PTPRU: variants seen among roughly 807,000 people sequenced by gnomAD.
The protein encoded by PTPRU is protein tyrosine phosphatase receptor type U.
In PTPRU, 69 loss-of-function variants were observed where a neutral mutation model predicts 166.3. The ratio of observed to expected loss-of-function variants is 0.41; its 90% CI spans 0.34 to 0.51. The LOEUF (loss-of-function observed/expected upper bound fraction) is 0.51. Ranked by LOEUF, PTPRU falls within the 20% of genes least tolerant of loss-of-function variation. The probability of loss-of-function intolerance (pLI) is 0.09; values close to 1 mark genes in which losing one functional copy is unlikely to be tolerated. For missense variants in PTPRU, 1,657 were observed against 2,013.7 expected, an observed-to-expected ratio of 0.82 and a Z score of 3.39; for synonymous variants, 793 against 814.0, an observed-to-expected ratio of 0.97 and a Z score of 0.44.
chr1:29,272,434 C>G (rs1685598210), intron 7 of PTPRU, among the ~76,000 whole-genome samples: 3 of 152,150 alleles, frequency 2.0e-5, no homozygotes, highest in African/African-American at 7.2e-5. Flanking sequence ...TGCTTGCCTG[C>G]ATTCCAGGGA....
intron 7 of PTPRU, among the ~76,000 whole-genome samples, chr1:29,272,245 GCAGCCCACAGTACC>G (rs2151949769): frequency 6.6e-6 from 1 of 152,354 alleles, no homozygotes; most frequent in East Asian, 1.9e-4. Flanking sequence ...GAATGGGCTT[GCAGCCCACAGTACC>G]CAGGATACAG....
At chr1:29,305,700 G>C (rs1387357744) in intron 18 of PTPRU, 1 of 625,678 alleles carries the variant, frequency 1.6e-6, no homozygotes, top group Non-Finnish European at 3.0e-6. Flanking sequence ...TAGGCCAAGA[G>C]GTGAGGAAGG....
Position 29,279,364 on chromosome 1 carries a change from C to A in PTPRU, c.1564-92C>A. On this transcript the variant is annotated intron_variant, in intron 9 of 29. Coordinates refer to ENST00000373779, the MANE Select transcript of PTPRU (RefSeq NM_133178.4). The surrounding 1 kb of genome is among the most constrained non-coding windows in gnomAD (Gnocchi z 5.2). ...CATAGTCTCCTTTGCTTAGCCTTAT[C>A]TCTCACTTCCCTGGGACATGGTGGG... 7.1e-7 allele frequency: 1 copy of A among 1,405,912 alleles called. No homozygotes were observed. The highest frequency in any genetic ancestry group is 1.0e-6 in the Non-Finnish European group (1 of 999,438). The allele number at this position is 1,405,912 out of a possible 1,614,324, so 87.1% of individuals were successfully genotyped here.
At position 29,236,897 on chromosome 1, in the gene PTPRU, C is replaced by T. The variant is rs1683793830; in HGVS notation, c.73+180C>T. On this transcript the variant is annotated intron_variant, in intron 1 of 29. Coordinates refer to ENST00000373779, the MANE Select transcript of PTPRU (RefSeq NM_133178.4). This position sits in a 1 kb window ranked among gnomAD's most constrained non-coding sequence, Gnocchi z 4.6. The stretch of plus-strand genomic sequence containing the variant: ...TTGCGTGACTGCGAATGTTGTGTGT[C>T]CGTGAGTTCTGTGCGCAAGAAAAGG... Among the ~76,000 whole-genome samples the T allele has an allele frequency of 6.6e-6, 1 of 152,084 alleles. No individual in the cohort carries two copies. Among genetic ancestry groups the T allele is most frequent in the Non-Finnish European group, 1.5e-5 (1 of 68,010 alleles).
intron 7 of PTPRU, among the ~76,000 whole-genome samples, chr1:29,272,550 G>T (rs891379435): frequency 6.6e-6 from 1 of 152,152 alleles, no homozygotes; most frequent in African/African-American, 2.4e-5. Flanking sequence ...GAGCAGCCTG[G>T]GCGAATGCTT....
Position 29,237,780 on chromosome 1 carries a change from C to T in PTPRU, c.73+1063C>T, listed in dbSNP as rs1683841278. 6.8e-6 allele frequency among the ~76,000 whole-genome samples: 1 copy of T among 147,064 alleles called. No homozygotes were observed. The highest frequency in any genetic ancestry group is 6.7e-5 in the Admixed American group (1 of 14,816). ...GCGCCGGGGCTGCGGGGCGCCCGGG[C>T]CAGCGGGCCCCAGCGAGGGGCCGGC... On this transcript the variant is annotated intron_variant, in intron 1 of 29. Coordinates refer to ENST00000373779, the MANE Select transcript of PTPRU (RefSeq NM_133178.4). This position sits in a 1 kb window ranked among gnomAD's most constrained non-coding sequence, Gnocchi z 6.4.
In PTPRU at chr1:29,316,102, T is replaced by G. The variant is rs141267043; in HGVS notation, c.3464T>G (p.Ile1155Ser). Reference protein sequence around the residue: ...SEFKATYKEMIRIDPQSNSSQ... With the variant: ...SEFKATYKEMSRIDPQSNSSQ... ...TTCAAGGCCACCTACAAGGAGATGATCCGCATTGATCCTCAGAGTAATTCC... is the reference window on the plus strand; with the variant it reads ...TTCAAGGCCACCTACAAGGAGATGAGCCGCATTGATCCTCAGAGTAATTCC... Residue 1155 changes from isoleucine to serine, a missense_variant, in exon 24 of 30, where the codon ATC (isoleucine) becomes AGC (serine). By Grantham distance (142) the Ile-to-Ser change is moderately radical. Transcript: ENST00000373779. 287 of 1,614,062 alleles carry G rather than the reference T, an allele frequency of 1.8e-4. No individual in the cohort carries two copies. Among genetic ancestry groups the G allele is most frequent in the Non-Finnish European group, 2.3e-4 (276 of 1,180,028 alleles).
intron 16 of PTPRU, 40 bp downstream of exon 16, chr1:29,304,085 C>T: frequency 1.3e-6 from 2 of 1,576,194 alleles, no homozygotes; most frequent in Non-Finnish European, 1.7e-6. Flanking sequence ...CCTGCAGAGG[C>T]CTCACCTGGC....
chr1:29,325,925 A>G lies in PTPRU; in HGVS notation c.*264A>G. ...TAGGGTCCTGCAGGCCTGTGCTGAG[A>G]GGCCTGGTGCTGCCTGGCAGAGTGA... is the stretch of plus-strand genomic sequence containing the variant. On this transcript the variant is annotated 3_prime_UTR_variant, in exon 30 of 30. Coordinates refer to ENST00000373779, the MANE Select transcript of PTPRU (RefSeq NM_133178.4). The G allele has an allele frequency of 4.2e-6, 2 of 479,174 alleles. No homozygotes were observed. Among genetic ancestry groups the G allele is most frequent in the Non-Finnish European group, 7.2e-6 (2 of 276,608 alleles). The allele number at this position is 479,174 out of a possible 1,614,324, so 29.7% of individuals were successfully genotyped here.
At chr1:29,252,694 T>C (rs1170847925) in intron 1 of PTPRU, among the ~76,000 whole-genome samples, 2 of 152,206 alleles carry the variant, frequency 1.3e-5, no homozygotes, top group African/African-American at 4.8e-5. Flanking sequence ...TGCCTAGCAC[T>C]GGGCCTGTGA....
At position 29,291,193 on chromosome 1, in the gene PTPRU, G is replaced by A. The variant is rs1205055960; in HGVS notation, c.2319-676G>A. On this transcript the variant is annotated intron_variant, in intron 14 of 29. Coordinates refer to ENST00000373779, the MANE Select transcript of PTPRU (RefSeq NM_133178.4). This position sits in a 1 kb window ranked among gnomAD's most constrained non-coding sequence, Gnocchi z 4.1. ...TCTGAGCAGCAGGACGGACTGGTGGGCAGTGGTGGGAATCTGGACCTTCTG... is the reference window on the plus strand; with the variant it reads ...TCTGAGCAGCAGGACGGACTGGTGGACAGTGGTGGGAATCTGGACCTTCTG... Among the ~76,000 whole-genome samples, 3 of 152,178 alleles carry A rather than the reference G, an allele frequency of 2.0e-5. No individual in the cohort carries two copies. The East Asian group carries it at 5.8e-4, about 29-fold the overall frequency.
intron 11 of PTPRU, 42 bp from the exon 12 acceptor site, chr1:29,282,634 C>T: frequency 6.3e-7 from 1 of 1,577,710 alleles, no homozygotes; most frequent in Non-Finnish European, 8.6e-7. Flanking sequence ...TCCCAGTCCT[C>T]TGGCCGCCTG....
intron 7 of PTPRU, among the ~76,000 whole-genome samples, chr1:29,272,906 C>CAAAAA (rs57076551): frequency 3.7e-5 from 2 of 54,654 alleles, no homozygotes; most frequent in African/African-American, 6.8e-5. Context: ...GACCTTGTCT[C>CAAAAA]AAAAAAAAAA....
chr1:29,277,630 C>T (rs553531852), intron 8 of PTPRU, among the ~76,000 whole-genome samples: 1 of 152,152 alleles, frequency 6.6e-6, no homozygotes, highest in African/African-American at 2.4e-5. Flanking sequence ...GCCCTTAGCA[C>T]ATTCAAGCAC....
Position 29,315,297 on chromosome 1 carries a change from C to A in PTPRU, c.3228-75C>A. The A allele has an allele frequency of 6.3e-7, 1 of 1,575,534 alleles. No individual in the cohort carries two copies. The highest frequency in any genetic ancestry group is 1.1e-5 in the South Asian group (1 of 89,702). On this transcript the variant is annotated intron_variant, in intron 22 of 29. Transcript: ENST00000373779. The surrounding 1 kb of genome is among the most constrained non-coding windows in gnomAD (Gnocchi z 4.5). ...GTATGGTGTAGACATGGCCAGTGCC[C>A]TCCTCTCTTCTTCTCCTTAGTCCCG...
chr1:29,246,880 T>C (rs562557771), intron 1 of PTPRU, among the ~76,000 whole-genome samples: 1 of 152,274 alleles, frequency 6.6e-6, no homozygotes, highest in East Asian at 1.9e-4. Flanking sequence ...CCTCTCAAAG[T>C]GCTGGGATTA....
Position 29,260,594 on chromosome 1 carries a change from C to T in PTPRU, c.851-16C>T. 1 of 1,486,622 alleles carries T rather than the reference C, an allele frequency of 6.7e-7. No individual in the cohort carries two copies. Among genetic ancestry groups the T allele is most frequent in the Non-Finnish European group, 9.0e-7 (1 of 1,115,894 alleles). 92.1% of individuals were successfully genotyped at this position (1,486,622 alleles called of 1,614,324 possible). On this transcript the variant is annotated splice_polypyrimidine_tract_variant and intron_variant, in intron 6 of 29. Coordinates refer to ENST00000373779, the MANE Select transcript of PTPRU (RefSeq NM_133178.4). The surrounding 1 kb of genome is among the most constrained non-coding windows in gnomAD (Gnocchi z 8.3). ...GCAGCATCGGTCCGCCTCGCCTCTC[C>T]CCCATCTCCTCGCAGAGCCCCCAAC... is the stretch of plus-strand genomic sequence containing the variant.
Position 29,315,335 on chromosome 1 carries a change from A to C in PTPRU, c.3228-37A>C. On this transcript the variant is annotated intron_variant, in intron 22 of 29. Transcript: ENST00000373779. The surrounding 1 kb of genome is among the most constrained non-coding windows in gnomAD (Gnocchi z 4.5). Reference sequence around the variant, plus strand: ...CTCCTTAGTCCCGGGCTTCCTCCCCAAAGCTCTGACCTGGTCTGGGGCTGC... The same window carrying C: ...CTCCTTAGTCCCGGGCTTCCTCCCCCAAGCTCTGACCTGGTCTGGGGCTGC... The C allele has an allele frequency of 1.9e-6, 3 of 1,613,254 alleles. No individual in the cohort carries two copies. Among genetic ancestry groups the C allele is most frequent in the Non-Finnish European group, 2.5e-6 (3 of 1,179,860 alleles).
At position 29,320,629 on chromosome 1, in the gene PTPRU, T is replaced by C; in HGVS notation, c.3688-56T>C. 6.7e-7 allele frequency: 1 copy of C among 1,492,194 alleles called. No homozygotes were observed. Among genetic ancestry groups the C allele is most frequent in the South Asian group, 1.4e-5 (1 of 73,766 alleles). The allele number at this position is 1,492,194 out of a possible 1,614,324, so 92.4% of individuals were successfully genotyped here. ...CGGGAAGACAGCCTGGGGCAGAGGCTCAGCCCAGGCCAGGGGCCGGGAACA... is the reference window on the plus strand; with the variant it reads ...CGGGAAGACAGCCTGGGGCAGAGGCCCAGCCCAGGCCAGGGGCCGGGAACA... On this transcript the variant is annotated intron_variant, in intron 25 of 29. Transcript: ENST00000373779. This position sits in a 1 kb window ranked among gnomAD's most constrained non-coding sequence, Gnocchi z 5.2.
Sources: allele counts gnomAD v4.1 joint callset (sites outside exome capture counted in the v4.1 genomes callset), GRCh38; gene constraint gnomAD v4.1.1; non-coding constraint Gnocchi (gnomAD v3.1); transcripts MANE v1.5; gene names NCBI Gene and HGNC (gene_info 2026-07-23, HGNC 2026-07-21).